ZNF516: variants seen among roughly 807,000 people sequenced by gnomAD.
The protein encoded by ZNF516 is zinc finger protein 516.
In ZNF516, 19 loss-of-function variants were observed where a neutral mutation model predicts 79.7. The ratio of observed to expected loss-of-function variants is 0.24; its 90% CI spans 0.17 to 0.35. The LOEUF (loss-of-function observed/expected upper bound fraction) is 0.35, where lower values mean the gene tolerates loss of function less well. ZNF516 is among the 10% of genes least tolerant of loss of function. The pLI is 1.00. For synonymous variants in ZNF516, 877 were observed against 739.5 expected (o/e 1.19, Z -3.02); for missense variants, 1,678 against 1,679.5 (o/e 1.00, Z 0.02).
chr18:76,441,364 G>A lies in ZNF516; in HGVS notation c.1691C>T (p.Ser564Leu), dbSNP rs569947953. 24 of 1,611,266 alleles carry A rather than the reference G, an allele frequency of 1.5e-5. No individual in the cohort carries two copies. The highest frequency in any genetic ancestry group is 6.7e-5 in the Admixed American group (4 of 59,956). ...ARCGSLSEGD[S>L]ASQPSSPGSA... ...GCCAGGGCTGCTGGGCTGGGAGGCC[G>A]AGTCACCCTCACTGAGTGATCCGCA... is the stretch of plus-strand genomic sequence containing the variant. The change falls in exon 3 of 7, where the codon TCG (serine) becomes TTG (leucine). Residue 564 changes from serine (S) to leucine (L), a missense_variant. By Grantham distance (145) the Ser-to-Leu change is moderately radical. Coordinates refer to ENST00000443185, the MANE Select transcript of ZNF516 (RefSeq NM_014643.4).
At chr18:76,473,001 G>C (rs1170046940) in intron 1 of ZNF516, among the ~76,000 whole-genome samples, 1 of 152,178 alleles carries the variant, frequency 6.6e-6, no homozygotes, top group Non-Finnish European at 1.5e-5. Flanking sequence ...GAAGGTAATA[G>C]AAGTGTTCTA....
chr18:76,461,948 G>A (rs1476774508), intron 2 of ZNF516, among the ~76,000 whole-genome samples: 3 of 152,226 alleles, frequency 2.0e-5, no homozygotes, highest in Non-Finnish European at 4.4e-5. Flanking sequence ...TGGGGAAACC[G>A]CTCCGCCCTC....
chr18:76,423,134 G>A (rs780014161), intron 3 of ZNF516, among the ~76,000 whole-genome samples: 23 of 152,128 alleles, frequency 1.5e-4, no homozygotes, highest in Admixed American at 1.4e-3. Context: ...CCATTAAAAC[G>A]GATGTCCACA....
chr18:76,467,166 T>G lies in ZNF516; in HGVS notation c.-271-4025A>C, dbSNP rs57277814. On this transcript the variant is annotated intron_variant, in intron 1 of 6. Coordinates refer to ENST00000443185, the MANE Select transcript of ZNF516 (RefSeq NM_014643.4). The surrounding 1 kb of genome is among the most constrained non-coding windows in gnomAD (Gnocchi z 4.2). ...ACCTGCAGCTCACAGCCCTTCTGGG[T>G]TGGCAGGAAGTCCTGCGTGTCTCTC... Among the ~76,000 whole-genome samples, 4 of 103,414 alleles carry G rather than the reference T, an allele frequency of 3.9e-5. No individual in the cohort carries two copies. Among genetic ancestry groups the G allele is most frequent in the East Asian group, 2.8e-4 (1 of 3,564 alleles). 67.8% of individuals were successfully genotyped at this position (103,414 alleles called of 152,430 possible).
intron 1 of ZNF516, chr18:76,492,997 C>CA: frequency 1.0e-6 from 1 of 985,630 alleles, no homozygotes; most frequent in Non-Finnish European, 1.2e-6. Context: ...CTCACACACA[C>CA]ACCCCAAATT....
chr18:76,378,466 A>G lies in ZNF516; in HGVS notation c.3259+389T>C, dbSNP rs141737992. On this transcript the variant is annotated intron_variant, in intron 4 of 6. Coordinates refer to ENST00000443185, the MANE Select transcript of ZNF516 (RefSeq NM_014643.4). The stretch of plus-strand genomic sequence containing the variant: ...TCTTTTGAGAGACAGGACAATGAAC[A>G]TCTACGGATTCTGTTTAAAATGACA... Among the ~76,000 whole-genome samples the G allele has an allele frequency of 3.0e-3, 457 of 152,376 alleles. 3 individuals carry two copies. Among genetic ancestry groups the G allele is most frequent in the African/African-American group, 0.011 (438 of 41,590 alleles).
In ZNF516 at chr18:76,467,854, G is replaced by A. The variant is rs1455055358; in HGVS notation, c.-271-4713C>T. On this transcript the variant is annotated intron_variant, in intron 1 of 6. Transcript: ENST00000443185. The surrounding 1 kb of genome is among the most constrained non-coding windows in gnomAD (Gnocchi z 4.2). ...AACTACATGCATCCCATCCCGCTCA[G>A]GGCAGCTACATATAAGTAATAAACG... Among the ~76,000 whole-genome samples the A allele has an allele frequency of 6.6e-6, 1 of 152,158 alleles. No homozygotes were observed. The highest frequency in any genetic ancestry group is 6.5e-5 in the Admixed American group (1 of 15,280).
chr18:76,434,577 C>T (rs975113033), intron 3 of ZNF516, among the ~76,000 whole-genome samples: 2 of 152,176 alleles, frequency 1.3e-5, no homozygotes, highest in Non-Finnish European at 2.9e-5. Context: ...GAAGGAAACT[C>T]GGCACACCCC....
chr18:76,365,831 C>T (rs1037991574), intron 6 of ZNF516, among the ~76,000 whole-genome samples: 19 of 152,142 alleles, frequency 1.2e-4, no homozygotes, highest in Admixed American at 1.2e-3. Context: ...TGTCTACGAT[C>T]GAGGCAAAAG....
At chr18:76,363,903 C>T (rs771345716) in intron 6 of ZNF516, among the ~76,000 whole-genome samples, 2 of 152,190 alleles carry the variant, frequency 1.3e-5, no homozygotes, top group Non-Finnish European at 2.9e-5. Context: ...CCGTAAGAGG[C>T]GGGCAGGGGA....
chr18:76,391,132 G>A (rs894080601), intron 3 of ZNF516, among the ~76,000 whole-genome samples: 4 of 152,102 alleles, frequency 2.6e-5, no homozygotes, highest in African/African-American at 9.7e-5. Context: ...TCATTAAGGA[G>A]GGCTGCGAGA....
chr18:76,473,903 T>TGTGG (rs58634236), intron 1 of ZNF516, among the ~76,000 whole-genome samples: 3,442 of 53,854 alleles, frequency 0.064, 359 homozygotes, highest in Non-Finnish European at 0.086. Flanking sequence ...TGTTTTTGTG[T>TGTGG]GGGGGGGGGG....
chr18:76,362,406 G>T lies in ZNF516; in HGVS notation c.*92C>A. Reference sequence around the variant, plus strand: ...AGTTCCCCGGCTGTTCTTCCATGGAGCGGCCAGGTCACAGGTGGGAGGCTG... The same window carrying T: ...AGTTCCCCGGCTGTTCTTCCATGGATCGGCCAGGTCACAGGTGGGAGGCTG... On this transcript the variant is annotated 3_prime_UTR_variant, in exon 7 of 7. Coordinates refer to ENST00000443185, the MANE Select transcript of ZNF516 (RefSeq NM_014643.4). 1 of 1,282,628 alleles carries T rather than the reference G, an allele frequency of 7.8e-7. No individual in the cohort carries two copies. The highest frequency in any genetic ancestry group is 1.1e-6 in the Non-Finnish European group (1 of 904,450). The allele number at this position is 1,282,628 out of a possible 1,614,324, so 79.5% of individuals were successfully genotyped here. A position where few individuals can be genotyped will look rare whatever the true frequency, so the allele number is the denominator to read the frequency against.
At chr18:76,494,905 G>A (rs988882454) in intron 1 of ZNF516, among the ~76,000 whole-genome samples, 1 of 99,690 alleles carries the variant, frequency 1.0e-5, no homozygotes, top group African/African-American at 3.9e-5. Flanking sequence ...CCCGCCGCCC[G>A]AAGTTGCATC....
chr18:76,406,057 G>A lies in ZNF516; in HGVS notation c.1811-25754C>T, dbSNP rs1293075549. 3.3e-5 allele frequency among the ~76,000 whole-genome samples: 5 copies of A among 152,158 alleles called. No homozygotes were observed. In the East Asian group the frequency reaches 7.8e-4, roughly 24 times the overall value. On this transcript the variant is annotated intron_variant, in intron 3 of 6. Coordinates refer to ENST00000443185, the MANE Select transcript of ZNF516 (RefSeq NM_014643.4). ...TCAGCAGGCCCAGCTGTCATCAGAC[G>A]ACAGCGCACGCAGGTGAGGGGCCTC...
At position 76,379,687 on chromosome 18, in the gene ZNF516, GA is replaced by G; in HGVS notation, c.2426del (p.Phe809SerfsTer166). 6.2e-7 allele frequency: 1 copy of G among 1,613,712 alleles called. No individual in the cohort carries two copies. The highest frequency in any genetic ancestry group is 8.5e-7 in the Non-Finnish European group (1 of 1,179,900). On this transcript the variant is annotated frameshift_variant, in exon 4 of 7. Coordinates refer to ENST00000443185, the MANE Select transcript of ZNF516 (RefSeq NM_014643.4). LOFTEE classifies it high-confidence loss of function. The part of the protein sequence containing the change: ...GYKSIRSNLV[F>X]LSRSGRTGPP... ...GGCCCGTGCGTCCGCTCCGGGAAAG[GA>G]AAACCAAATTGCTTCTGATGCTTTT...
At chr18:76,491,102 T>C (rs1052754641) in intron 1 of ZNF516, 9 of 984,652 alleles carry the variant, frequency 9.1e-6, no homozygotes, top group Non-Finnish European at 1.1e-5. Flanking sequence ...GCCACGCCTT[T>C]CCCACCGCCC....
intron 3 of ZNF516, among the ~76,000 whole-genome samples, chr18:76,438,708 T>C (rs2075777294): frequency 6.6e-6 from 1 of 152,232 alleles, no homozygotes; most frequent in African/African-American, 2.4e-5. Flanking sequence ...GGAGTTTCTT[T>C]CACTTAATCT....
rs1442716249 is a variant in ZNF516 at position 76,493,882 on chromosome 18, T to G, written c.-272+1262A>C. On this transcript the variant is annotated intron_variant, in intron 1 of 6. Transcript: ENST00000443185. This position sits in a 1 kb window ranked among gnomAD's most constrained non-coding sequence, Gnocchi z 5.2. ...AGCAGCAAATGGCTTTTTGTGCATC[T>G]GGATTAAATAAAGCACAGAATGAAT... 2 of 152,216 alleles carry G rather than the reference T, an allele frequency of 1.3e-5. No homozygotes were observed. The highest frequency in any genetic ancestry group is 2.9e-5 in the Non-Finnish European group (2 of 68,050). 9.4% of individuals were successfully genotyped at this position (152,216 alleles called of 1,614,324 possible).
Sources: gnomAD v4.1 joint callset for allele counts (sites outside exome capture counted in the v4.1 genomes callset) on GRCh38, gnomAD v4.1.1 for gene constraint, Gnocchi (gnomAD v3.1) non-coding constraint, MANE v1.5 for transcripts, NCBI Gene and HGNC (gene_info 2026-07-23, HGNC 2026-07-21) for gene names.